Variants in EYA4 observed in about 807,000 individuals in gnomAD.
EYA4 encodes EYA transcriptional coactivator and phosphatase 4.
A neutral mutation model predicts 87.9 loss-of-function variants in EYA4; 31 were observed. That is an observed-to-expected ratio of 0.35 (90% CI 0.27 to 0.48). The LOEUF is 0.48. EYA4 is among the 20% of genes least tolerant of loss of function. The pLI is 0.99. For synonymous variants in EYA4, 263 were observed against 270.6 expected (o/e 0.97, Z 0.28); for missense variants, 678 against 761.4 (o/e 0.89, Z 1.29).
intron 11 of EYA4, among the ~76,000 whole-genome samples, chr6:133,470,034 G>A (rs1205210249): frequency 1.3e-5 from 2 of 150,588 alleles, no homozygotes; most frequent in Non-Finnish European, 3.0e-5. Flanking sequence ...CTCCCATGTT[G>A]TAGGTTGCCT....
intron 2 of EYA4, among the ~76,000 whole-genome samples, chr6:133,334,721 G>T (rs1782235098): frequency 6.6e-6 from 1 of 152,088 alleles, no homozygotes; most frequent in Non-Finnish European, 1.5e-5. Context: ...TTATAAAATA[G>T]ACTATTGAAA....
rs188012985 is a variant in EYA4 at position 133,255,560 on chromosome 6, A to C, written c.-66+13811A>C. On this transcript the variant is annotated intron_variant, in intron 1 of 19. Coordinates refer to ENST00000355286, the MANE Select transcript of EYA4 (RefSeq NM_004100.5). ...GGATTTACTCATTCTTATTCTCTGC[A>C]AATCAGGATAAGTTGTTATACTTAG... is the stretch of plus-strand genomic sequence containing the variant. Among the ~76,000 whole-genome samples, 11 of 152,294 alleles carry C rather than the reference A, an allele frequency of 7.2e-5. No homozygotes were observed. The East Asian group carries it at 2.1e-3, about 29-fold the overall frequency.
At chr6:133,366,229 C>T (rs1262735735) in intron 2 of EYA4, among the ~76,000 whole-genome samples, 3 of 152,124 alleles carry the variant, frequency 2.0e-5, no homozygotes, top group Admixed American at 6.6e-5. Flanking sequence ...CTCCTGTTTC[C>T]GGCTTTACCT....
At chr6:133,317,154 A>G (rs543754815) in intron 2 of EYA4, among the ~76,000 whole-genome samples, 1 of 152,342 alleles carries the variant, frequency 6.6e-6, no homozygotes, top group East Asian at 1.9e-4. Flanking sequence ...CTCTTGGCTT[A>G]TCAAAAAGTC....
intron 1 of EYA4, among the ~76,000 whole-genome samples, chr6:133,268,978 G>T (rs375160902): frequency 2.6e-5 from 4 of 152,242 alleles, no homozygotes; most frequent in Admixed American, 1.3e-4. Flanking sequence ...TGTACTGCTG[G>T]CTGGGCATGG....
intron 17 of EYA4, among the ~76,000 whole-genome samples, chr6:133,515,891 T>C (rs112698469): frequency 6.6e-6 from 1 of 152,150 alleles, no homozygotes; most frequent in African/African-American, 2.4e-5. Context: ...ATACACATAA[T>C]GTAAGCACAT....
At chr6:133,400,109 T>C (rs936612501) in intron 3 of EYA4, among the ~76,000 whole-genome samples, 17 of 152,230 alleles carry the variant, frequency 1.1e-4, no homozygotes, top group African/African-American at 1.7e-4. Context: ...TTTGCACTTA[T>C]ATATTTTCTA....
chr6:133,369,505 C>A (rs369894365), intron 2 of EYA4, among the ~76,000 whole-genome samples: 2 of 151,724 alleles, frequency 1.3e-5, no homozygotes, highest in East Asian at 4.0e-4. Flanking sequence ...ATAAAAATGT[C>A]TGTAATTATC....
rs148869888 is a variant in EYA4 at position 133,429,337 on chromosome 6, A to C, written c.84-17293A>C. Among the ~76,000 whole-genome samples the C allele has an allele frequency of 3.9e-3, 599 of 152,204 alleles. 3 individuals carry two copies. Among genetic ancestry groups the C allele is most frequent in the African/African-American group, 0.013 (552 of 41,478 alleles). On this transcript the variant is annotated intron_variant, in intron 3 of 19. Coordinates refer to ENST00000355286, the MANE Select transcript of EYA4 (RefSeq NM_004100.5). ...TGAGACAGTTAATGCATAGCAGACAACAAGGAGCACTACAGAAGCATTAGT... is the reference window on the plus strand; with the variant it reads ...TGAGACAGTTAATGCATAGCAGACACCAAGGAGCACTACAGAAGCATTAGT...
intron 2 of EYA4, among the ~76,000 whole-genome samples, chr6:133,294,975 T>C (rs1169256803): frequency 2.6e-5 from 4 of 152,342 alleles, no homozygotes; most frequent in Non-Finnish European, 5.9e-5. Flanking sequence ...ATTGTATTTC[T>C]TTTGCTCTAG....
At chr6:133,326,392 T>G (rs1399802809) in intron 2 of EYA4, among the ~76,000 whole-genome samples, 1 of 152,214 alleles carries the variant, frequency 6.6e-6, no homozygotes, top group Non-Finnish European at 1.5e-5. Context: ...TTTCAGATTT[T>G]GGATTTGGGA....
At chr6:133,349,189 T>A (rs569296465) in intron 2 of EYA4, among the ~76,000 whole-genome samples, 2 of 152,362 alleles carry the variant, frequency 1.3e-5, no homozygotes, top group East Asian at 3.9e-4. Context: ...CCAAAATATC[T>A]TTTGAATAAA....
intron 3 of EYA4, among the ~76,000 whole-genome samples, chr6:133,388,973 G>T (rs1470846933): frequency 6.6e-6 from 1 of 152,096 alleles, no homozygotes. Context: ...GCTGCTGCTT[G>T]TTAGGAGGTC....
chr6:133,442,651 G>A (rs532305043), intron 3 of EYA4, among the ~76,000 whole-genome samples: 1 of 152,002 alleles, frequency 6.6e-6, no homozygotes, highest in South Asian at 2.1e-4. Context: ...TCTAAACTTT[G>A]CTTATTTTAT....
chr6:133,487,519 T>G (rs1375920635), intron 13 of EYA4, among the ~76,000 whole-genome samples: 1 of 152,130 alleles, frequency 6.6e-6, no homozygotes, highest in African/African-American at 2.4e-5. Flanking sequence ...GGAATTTGCC[T>G]TGCAACTTGG....
At chr6:133,374,270 A>C (rs888521097) in intron 2 of EYA4, among the ~76,000 whole-genome samples, 1 of 152,080 alleles carries the variant, frequency 6.6e-6, no homozygotes, top group Non-Finnish European at 1.5e-5. Flanking sequence ...TAGTTGATGA[A>C]GAGTTATAGA....
chr6:133,514,729 A>G (rs1214722158), intron 16 of EYA4, among the ~76,000 whole-genome samples: 1 of 152,202 alleles, frequency 6.6e-6, no homozygotes, highest in Non-Finnish European at 1.5e-5. Flanking sequence ...ATTATAATTC[A>G]TGATTGTAAC....
At chr6:133,431,170 G>A (rs912856090) in intron 3 of EYA4, among the ~76,000 whole-genome samples, 18 of 152,226 alleles carry the variant, frequency 1.2e-4, no homozygotes, top group South Asian at 2.1e-4. Context: ...TAGGAGATGA[G>A]GTCAAGAAAT....
At chr6:133,444,896 ACC>A (rs1792660350) in intron 3 of EYA4, among the ~76,000 whole-genome samples, 7 of 152,170 alleles carry the variant, frequency 4.6e-5, no homozygotes, top group Non-Finnish European at 7.3e-5. Flanking sequence ...ATCTAACCTG[ACC>A]ATAGTCAGCT....
Sources: gnomAD v4.1 joint callset for allele counts (sites outside exome capture counted in the v4.1 genomes callset) on GRCh38, gnomAD v4.1.1 for gene constraint, MANE v1.5 for transcripts, NCBI Gene and HGNC (gene_info 2026-07-23, HGNC 2026-07-21) for gene names.